PPEF1: variants seen among roughly 807,000 people sequenced by gnomAD.
PPEF1 encodes protein phosphatase with EF-hand domain 1.
In PPEF1, 12 loss-of-function variants were observed where a neutral mutation model predicts 53.3. That is an observed-to-expected ratio of 0.23 (90% CI 0.14 to 0.36). The LOEUF is 0.36. Ranked by LOEUF, PPEF1 falls within the 10% of genes least tolerant of loss-of-function variation. The probability of loss-of-function intolerance (pLI) is 1.00; values close to 1 mark genes in which losing one functional copy is unlikely to be tolerated. For missense variants in PPEF1, 334 were observed against 490.4 expected, an observed-to-expected ratio of 0.68 and a Z score of 3.01; for synonymous variants, 165 against 176.7, an observed-to-expected ratio of 0.93 and a Z score of 0.52.
chrX:18,812,916 T>C (rs774679766), intron 12 of PPEF1, among the ~76,000 whole-genome samples: 1 of 110,512 alleles, frequency 9.0e-6, no homozygotes, highest in Non-Finnish European at 1.9e-5. Context: ...TTTTTCAATT[T>C]TCTGTAGAGA....
At chrX:18,737,654 C>G (rs2045020611) in intron 3 of PPEF1, among the ~76,000 whole-genome samples, 1 of 111,488 alleles carries the variant, frequency 9.0e-6, no homozygotes, top group Non-Finnish European at 1.9e-5. Context: ...TGGTGCAGAG[C>G]TGAGTTCAGT....
chrX:18,693,468 C>A (rs1044146653), intron 4 of PPEF1, among the ~76,000 whole-genome samples: 89 of 112,412 alleles, frequency 7.9e-4, no homozygotes, highest in African/African-American at 2.7e-3. Flanking sequence ...AGGTCGAGCT[C>A]ATTTCTTTCT....
chrX:18,730,557 A>G (rs1378943992), intron 2 of PPEF1, among the ~76,000 whole-genome samples: 1 of 111,654 alleles, frequency 9.0e-6, no homozygotes, highest in Admixed American at 9.6e-5. Flanking sequence ...ACTAATAAAA[A>G]TAGTCTTATT....
At chrX:18,705,765 C>G (rs1021662975), upstream of PPEF1, among the ~76,000 whole-genome samples, 2 of 111,370 alleles carry the variant, frequency 1.8e-5, no homozygotes, top group South Asian at 7.6e-4. Flanking sequence ...AAGGCTAATT[C>G]ATTCAATACA....
chrX:18,772,102 T>C (rs890345675), intron 6 of PPEF1, among the ~76,000 whole-genome samples: 10 of 111,625 alleles, frequency 9.0e-5, no homozygotes, highest in Non-Finnish European at 1.7e-4. Flanking sequence ...TGAGCCGAGA[T>C]TGCATCACTG....
At chrX:18,782,550 G>A in intron 8 of PPEF1, 148 bp downstream of exon 8, 1 of 431,120 alleles carries the variant, frequency 2.3e-6, no homozygotes, top group Non-Finnish European at 3.9e-6. Flanking sequence ...TACAAGCACA[G>A]CAGGAAGCCC....
chrX:18,734,611 C>T (rs1191556400), intron 3 of PPEF1, among the ~76,000 whole-genome samples: 2 of 110,548 alleles, frequency 1.8e-5, no homozygotes, highest in East Asian at 5.7e-4. Context: ...CTCTTTATAG[C>T]AGCATGATTT....
chrX:18,743,446 C>CTTTTTTTTTTTTTTTTTTTTTTTTT (rs72264344), intron 3 of PPEF1, among the ~76,000 whole-genome samples: 9 of 59,330 alleles, frequency 1.5e-4, no homozygotes, highest in African/African-American at 6.5e-4. Flanking sequence ...TTCTCTTTTT[C>CTTTTTTTTTTTTTTTTTTTTTTTTT]TTTTTTTTTT....
chrX:18,694,346 G>C (rs1454519919), intron 4 of PPEF1, among the ~76,000 whole-genome samples: 1 of 111,666 alleles, frequency 9.0e-6, no homozygotes, highest in Non-Finnish European at 1.9e-5. Flanking sequence ...AACTTTATAA[G>C]AAAGTACCAA....
At chrX:18,727,755 A>C (rs2044741594) in intron 1 of PPEF1, among the ~76,000 whole-genome samples, 1 of 110,431 alleles carries the variant, frequency 9.1e-6, no homozygotes, top group Admixed American at 9.7e-5. Flanking sequence ...GGTTCCCATG[A>C]CCCCCTCTTT....
At chrX:18,755,021 T>C (rs1336353150) in intron 4 of PPEF1, among the ~76,000 whole-genome samples, 1 of 111,538 alleles carries the variant, frequency 9.0e-6, no homozygotes. Context: ...GGGTATTTGG[T>C]TAGTGGCATT....
intron 1 of PPEF1, among the ~76,000 whole-genome samples, chrX:18,728,157 C>A (rs1435709037): frequency 9.2e-6 from 1 of 109,041 alleles, no homozygotes. Context: ...GGATGAAAAC[C>A]TCTCTCTCTC....
intron 13 of PPEF1, among the ~76,000 whole-genome samples, chrX:18,823,419 GT>G (rs2047103423): frequency 9.0e-6 from 1 of 110,507 alleles, no homozygotes; most frequent in African/African-American, 3.3e-5. Context: ...GAGGTCAGGA[GT>G]TCAAGACCAG....
In PPEF1 at chrX:18,745,246, C is replaced by T. The variant is rs766022817; in HGVS notation, c.236-4546C>T. ...TATTTATTTTCGAGACAGGGTCTCACTCTGTCACCCAGACTAGAGCACAGT... is the reference window on the plus strand; with the variant it reads ...TATTTATTTTCGAGACAGGGTCTCATTCTGTCACCCAGACTAGAGCACAGT... On this transcript the variant is annotated intron_variant, in intron 3 of 15. Transcript: ENST00000470157. Among the ~76,000 whole-genome samples, 6 of 98,754 alleles carry T rather than the reference C, an allele frequency of 6.1e-5. No homozygotes were observed. In the South Asian group the frequency reaches 2.6e-3, roughly 43 times the overall value. The allele number at this position is 98,754 out of a possible 115,157, so 85.8% of individuals were successfully genotyped here. A position where few individuals can be genotyped will look rare whatever the true frequency, so the allele number is the denominator to read the frequency against.
intron 3 of PPEF1, among the ~76,000 whole-genome samples, chrX:18,740,432 CAG>C (rs1263652960): frequency 9.8e-5 from 10 of 101,751 alleles, no homozygotes; most frequent in African/African-American, 3.6e-4. Context: ...TTTTTTGAGA[CAG>C]AGTCTCGCTC....
At chrX:18,736,966 G>A (rs750280822) in intron 3 of PPEF1, among the ~76,000 whole-genome samples, 40 of 106,650 alleles carry the variant, frequency 3.8e-4, no homozygotes, top group Admixed American at 2.5e-3. Flanking sequence ...CTGTGGGATC[G>A]GTGGTGATAT....
upstream of PPEF1, among the ~76,000 whole-genome samples, chrX:18,706,818 CTTTTTTTTTTTTTTTTT>C (rs767459911): frequency 2.2e-5 from 1 of 46,319 alleles, no homozygotes. Context: ...TTCAAACCTC[CTTTTTTTTTTTTTTTTT>C]TTTTTTTTTT....
chrX:18,708,327 C>A (rs1359879638), intron 1 of PPEF1, among the ~76,000 whole-genome samples: 2 of 110,498 alleles, frequency 1.8e-5, no homozygotes, highest in African/African-American at 6.6e-5. Context: ...CATCTGTTTC[C>A]AAAAAAAAGG....
At chrX:18,815,738 T>C (rs1481896272) in intron 12 of PPEF1, among the ~76,000 whole-genome samples, 1 of 110,654 alleles carries the variant, frequency 9.0e-6, no homozygotes, top group African/African-American at 3.3e-5. Context: ...TCTAAAAGTT[T>C]GACAATTTAG....
Sources: allele counts gnomAD v4.1 joint callset (sites outside exome capture counted in the v4.1 genomes callset), GRCh38; gene constraint gnomAD v4.1.1; transcripts MANE v1.5; gene names NCBI Gene and HGNC (gene_info 2026-07-23, HGNC 2026-07-21).